The following RFWD3 variants were observed in gnomAD, a reference collection of about 807,000 sequenced individuals.
RFWD3 encodes the protein E3 ubiquitin-protein ligase RFWD3.
In RFWD3, 65 loss-of-function variants were observed where a neutral mutation model predicts 87.7. The ratio of observed to expected loss-of-function variants is 0.74; its 90% CI spans 0.61 to 0.91. RFWD3 has a LOEUF of 0.91. RFWD3 is among the 40% of genes least tolerant of loss of function. The pLI, the probability that RFWD3 is intolerant of heterozygous loss-of-function variation, is 0.00. For missense variants in RFWD3, 1,078 were observed against 938.5 expected, an observed-to-expected ratio of 1.15 and a Z score of -1.94; for synonymous variants, 433 against 352.8, an observed-to-expected ratio of 1.23 and a Z score of -2.55.
At position 74,626,592 on chromosome 16, in the gene RFWD3, G is replaced by A; in HGVS notation, c.1970-38C>T. ...GAAATCAGTGCTGCACCATGGGGAC[G>A]CTACACAAAAAATTAACCAAGTACC... On this transcript the variant is annotated intron_variant, in intron 11 of 12. Transcript: ENST00000361070. The A allele has an allele frequency of 2.6e-6, 4 of 1,557,084 alleles. 1 individual carries two copies. Among genetic ancestry groups the A allele is most frequent in the South Asian group, 2.2e-5 (2 of 89,238 alleles).
intron 1 of RFWD3, among the ~76,000 whole-genome samples, chr16:74,663,875 G>A (rs935870779): frequency 1.3e-5 from 2 of 152,100 alleles, no homozygotes; most frequent in African/African-American, 4.8e-5. Flanking sequence ...ACCACAAAAG[G>A]CAATATTGAA....
At chr16:74,631,812 G>A (rs1048110029) in intron 9 of RFWD3, among the ~76,000 whole-genome samples, 1 of 151,902 alleles carries the variant, frequency 6.6e-6, no homozygotes, top group African/African-American at 2.4e-5. Context: ...TTAAAGACGG[G>A]GTTTCACCAT....
chr16:74,636,538 G>GT lies in RFWD3; in HGVS notation c.1233dup (p.Gln412ThrfsTer46). ...CATGCTTGGGAGCCCCTGGGTTGCT[G>GT]TAAATTCTGACTTTGATGTGACGTA... On this transcript the variant is annotated frameshift_variant, in exon 8 of 13. Transcript: ENST00000361070. LOFTEE classifies it high-confidence loss of function. 1 of 1,613,922 alleles carries GT rather than the reference G, an allele frequency of 6.2e-7. No individual in the cohort carries two copies. The highest frequency in any genetic ancestry group is 8.5e-7 in the Non-Finnish European group (1 of 1,180,024).
At chr16:74,635,317 A>G (rs1959186122) in intron 8 of RFWD3, among the ~76,000 whole-genome samples, 1 of 151,822 alleles carries the variant, frequency 6.6e-6, no homozygotes, top group Non-Finnish European at 1.5e-5. Flanking sequence ...AAAAAAAAAA[A>G]TTAACTAGGC....
At position 74,649,126 on chromosome 16, in the gene RFWD3, T is replaced by G; in HGVS notation, c.792+6A>C. 6.4e-7 allele frequency: 1 copy of G among 1,557,730 alleles called. No individual in the cohort carries two copies. The highest frequency in any genetic ancestry group is 8.7e-7 in the Non-Finnish European group (1 of 1,149,364). On this transcript the variant is annotated splice_donor_region_variant and intron_variant, in intron 4 of 12. Transcript: ENST00000361070. ...ATAGATTTTTTTAAAATGATGTTCA[T>G]ATTACCTGTTTGGGGAGGGTCTTGC...
Position 74,623,647 on chromosome 16 carries a change from A to G in RFWD3, c.*281T>C. The G allele has an allele frequency of 3.5e-6, 1 of 284,412 alleles. No individual in the cohort carries two copies. The highest frequency in any genetic ancestry group is 6.5e-6 in the Non-Finnish European group (1 of 153,050). The allele number at this position is 284,412 out of a possible 1,614,324, so 17.6% of individuals were successfully genotyped here. On this transcript the variant is annotated 3_prime_UTR_variant, in exon 13 of 13. Transcript: ENST00000361070. Reference sequence around the variant, plus strand: ...GAAAGTCACACAGAAAATAAAGAAAATAAGAATTTCCAACATACAATAATG... The same window carrying G: ...GAAAGTCACACAGAAAATAAAGAAAGTAAGAATTTCCAACATACAATAATG...
chr16:74,639,919 A>G (rs1319977729), intron 6 of RFWD3, among the ~76,000 whole-genome samples: 1 of 152,164 alleles, frequency 6.6e-6, no homozygotes, highest in East Asian at 1.9e-4. Flanking sequence ...TGAGAGAGAG[A>G]TGGAGACCAC....
chr16:74,627,267 A>G (rs945787193), intron 11 of RFWD3, among the ~76,000 whole-genome samples: 2 of 152,242 alleles, frequency 1.3e-5, no homozygotes, highest in African/African-American at 4.8e-5. Context: ...TGTTTAATAC[A>G]GTTGTTACCT....
chr16:74,625,237 G>C (rs1044791177), intron 12 of RFWD3, among the ~76,000 whole-genome samples: 7 of 147,272 alleles, frequency 4.8e-5, no homozygotes, highest in Non-Finnish European at 8.9e-5. Context: ...GAAAAAAAAA[G>C]GTAGAGAGCA....
chr16:74,656,043 C>G (rs1165130810), intron 2 of RFWD3, among the ~76,000 whole-genome samples: 2 of 151,900 alleles, frequency 1.3e-5, no homozygotes, highest in African/African-American at 4.8e-5. Context: ...ATTCTGCAGC[C>G]CAACTTTCAA....
intron 2 of RFWD3, among the ~76,000 whole-genome samples, chr16:74,654,486 AC>A (rs1397010809): frequency 3.9e-5 from 6 of 152,194 alleles, no homozygotes; most frequent in Admixed American, 1.3e-4. Flanking sequence ...TGCTCCACCC[AC>A]CAGCCATTCC....
chr16:74,654,375 G>T (rs1960806005), intron 2 of RFWD3, among the ~76,000 whole-genome samples: 1 of 151,890 alleles, frequency 6.6e-6, no homozygotes, highest in South Asian at 2.1e-4. Flanking sequence ...TTGTTCCTCT[G>T]TTATTTAGGA....
rs544568145 is a variant in RFWD3 at position 74,662,980 on chromosome 16, C to A, written c.-2-1529G>T. Among the ~76,000 whole-genome samples the A allele has an allele frequency of 1.4e-3, 219 of 151,888 alleles. 1 individual carries two copies. The South Asian group carries it at 0.015, about 10-fold the overall frequency. ...AGTGCAGTGGCGCGATCTCGGCTCA[C>A]TGCAAGCTCCGCCTCCCGGGTTCAC... On this transcript the variant is annotated intron_variant, in intron 1 of 12. Coordinates refer to ENST00000361070, the MANE Select transcript of RFWD3 (RefSeq NM_018124.4).
chr16:74,662,786 G>A (rs1031236805), intron 1 of RFWD3, among the ~76,000 whole-genome samples: 15 of 152,216 alleles, frequency 9.9e-5, no homozygotes, highest in Admixed American at 6.5e-4. Context: ...TAAGCTAGGT[G>A]ACCAGTGTAG....
chr16:74,624,443 T>C (rs1958861626), intron 12 of RFWD3, among the ~76,000 whole-genome samples: 1 of 152,226 alleles, frequency 6.6e-6, no homozygotes, highest in African/African-American at 2.4e-5. Flanking sequence ...TCACCCAGGC[T>C]GCAGTGCAGT....
intron 8 of RFWD3, 96 bp from the exon 9 acceptor site, chr16:74,632,769 G>C: frequency 9.8e-6 from 11 of 1,123,760 alleles, no homozygotes; most frequent in Non-Finnish European, 1.4e-5. Flanking sequence ...CACCTTTCTT[G>C]GCGTATAAGT....
At position 74,661,523 on chromosome 16, in the gene RFWD3, T is replaced by C; in HGVS notation, c.-2-72A>G. On this transcript the variant is annotated intron_variant, in intron 1 of 12. Coordinates refer to ENST00000361070, the MANE Select transcript of RFWD3 (RefSeq NM_018124.4). ...ATGCTATGTAGGTGACAGAATCATATTTAATCTTTCTGATTTTATGTTTAA... is the reference window on the plus strand; with the variant it reads ...ATGCTATGTAGGTGACAGAATCATACTTAATCTTTCTGATTTTATGTTTAA... The C allele has an allele frequency of 3.8e-6, 5 of 1,304,606 alleles. 1 individual carries two copies. The highest frequency in any genetic ancestry group is 5.3e-6 in the Non-Finnish European group (5 of 951,380). The allele number at this position is 1,304,606 out of a possible 1,614,324, so 80.8% of individuals were successfully genotyped here. A position where few individuals can be genotyped will look rare whatever the true frequency, so the allele number is the denominator to read the frequency against.
At position 74,630,806 on chromosome 16, in the gene RFWD3, G is replaced by A; in HGVS notation, c.1729C>T (p.Gln577Ter). The part of the protein sequence containing the change: ...YDVRNTSSHV[Q>*]ELVAQKARCP... ...CTGGCTTTCTGAGCTACTAACTCCT[G>A]CACATGACTGCTCGTGTTTCGCACG... Residue 577 changes from glutamine to a stop codon, truncating the protein, a stop_gained, in exon 10 of 13, where the codon CAG (glutamine) becomes TAG (stop). Coordinates refer to ENST00000361070, the MANE Select transcript of RFWD3 (RefSeq NM_018124.4). LOFTEE classifies it high-confidence loss of function. 3.7e-6 allele frequency: 6 copies of A among 1,611,222 alleles called. No individual in the cohort carries two copies. Among genetic ancestry groups the A allele is most frequent in the Non-Finnish European group, 5.1e-6 (6 of 1,178,976 alleles).
chr16:74,634,000 T>TA (rs1959172764), intron 8 of RFWD3, among the ~76,000 whole-genome samples: 1 of 151,712 alleles, frequency 6.6e-6, no homozygotes, highest in African/African-American at 2.4e-5. Flanking sequence ...AAAAAAAAAT[T>TA]AAAGTTATCT....
Sources: allele counts gnomAD v4.1 joint callset (sites outside exome capture counted in the v4.1 genomes callset), GRCh38; gene constraint gnomAD v4.1.1; transcripts MANE v1.5; gene names NCBI Gene and HGNC (gene_info 2026-07-23, HGNC 2026-07-21).